PLPPR1: variants seen among roughly 807,000 people sequenced by gnomAD.
PLPPR1 encodes phospholipid phosphatase-related protein type 1.
PLPPR1 carries 10 observed loss-of-function variants against 33.1 expected under a neutral mutation model. The ratio of observed to expected loss-of-function variants is 0.30; its 90% CI spans 0.19 to 0.51. The LOEUF (loss-of-function observed/expected upper bound fraction) is 0.51. Among genes scored for constraint, PLPPR1 ranks in the 20% least tolerant of loss-of-function variants. PLPPR1 has a pLI of 0.97. For missense variants in PLPPR1, 304 were observed against 408.1 expected, an observed-to-expected ratio of 0.74 and a Z score of 2.20; for synonymous variants, 151 against 151.0, an observed-to-expected ratio of 1.00 and a Z score of 0.00.
chr9:101,300,368 A>C (rs1463329945), intron 4 of PLPPR1, among the ~76,000 whole-genome samples: 4 of 152,164 alleles, frequency 2.6e-5, no homozygotes, highest in Non-Finnish European at 5.9e-5. Context: ...TTGCAGAGAC[A>C]GGGTCTCCCT....
chr9:101,107,847 C>A (rs926192609), intron 1 of PLPPR1, among the ~76,000 whole-genome samples: 1 of 150,712 alleles, frequency 6.6e-6, no homozygotes, highest in Non-Finnish European at 1.5e-5. Context: ...GATATAGTCT[C>A]GTGGTGCGCC....
Position 101,159,704 on chromosome 9 carries a change from G to C in PLPPR1, c.-45-25746G>C, listed in dbSNP as rs145304154. On this transcript the variant is annotated intron_variant, in intron 1 of 7. Coordinates refer to ENST00000374874, the MANE Select transcript of PLPPR1 (RefSeq NM_207299.2). ...CAGAACTGGAGTGCAAAAGCACAAA[G>C]ATTCCAGGCATACAAGGATGATAAA... Among the ~76,000 whole-genome samples the C allele has an allele frequency of 2.1e-3, 318 of 152,314 alleles. 1 individual carries two copies. Among genetic ancestry groups the C allele is most frequent in the African/African-American group, 7.4e-3 (306 of 41,580 alleles).
At chr9:101,263,866 A>G in intron 2 of PLPPR1, among the ~76,000 whole-genome samples, 1 of 152,136 alleles carries the variant, frequency 6.6e-6, no homozygotes, top group East Asian at 1.9e-4. Context: ...TGCACAATAT[A>G]ACATTATCAT....
At chr9:101,164,300 C>A (rs1489314149) in intron 1 of PLPPR1, among the ~76,000 whole-genome samples, 1 of 151,834 alleles carries the variant, frequency 6.6e-6, no homozygotes, top group Admixed American at 6.6e-5. Flanking sequence ...GGATCTATTT[C>A]ATAGAGTTGT....
chr9:101,289,573 G>C (rs1828456227), intron 4 of PLPPR1, among the ~76,000 whole-genome samples: 7 of 152,202 alleles, frequency 4.6e-5, no homozygotes, highest in Admixed American at 4.6e-4. Context: ...CTTGAATCCT[G>C]GGGGTGGTTC....
chr9:101,223,199 C>T (rs939420376), intron 2 of PLPPR1, among the ~76,000 whole-genome samples: 2 of 149,060 alleles, frequency 1.3e-5, no homozygotes, highest in Non-Finnish European at 3.0e-5. Flanking sequence ...AGCTGGGCAC[C>T]ATGGGATGAG....
At chr9:101,190,829 A>T (rs1826285077) in intron 2 of PLPPR1, among the ~76,000 whole-genome samples, 1 of 152,188 alleles carries the variant, frequency 6.6e-6, no homozygotes, top group Non-Finnish European at 1.5e-5. Context: ...AAGTTTGTAG[A>T]TTACAAGAGC....
intron 2 of PLPPR1, among the ~76,000 whole-genome samples, chr9:101,227,135 C>A (rs567004829): frequency 2.0e-5 from 3 of 152,272 alleles, no homozygotes; most frequent in Admixed American, 2.0e-4. Flanking sequence ...CAGTATAGAT[C>A]AGCACCTTGA....
chr9:101,201,703 A>G (rs1826496022), intron 2 of PLPPR1, among the ~76,000 whole-genome samples: 2 of 152,230 alleles, frequency 1.3e-5, no homozygotes, highest in South Asian at 2.1e-4. Context: ...AGCAAATATG[A>G]AAAAGCTAGC....
At position 101,235,890 on chromosome 9, in the gene PLPPR1, C is replaced by T. The variant is rs1055494567; in HGVS notation, c.64-33990C>T. Among the ~76,000 whole-genome samples the T allele has an allele frequency of 2.0e-5, 3 of 151,888 alleles. No homozygotes were observed. In the East Asian group the frequency reaches 5.8e-4, roughly 29 times the overall value. ...AAAGCAGCTATGAAGTTATTCCATG[C>T]TTGGCTGGCTTTATAAAAAATAATT... On this transcript the variant is annotated intron_variant, in intron 2 of 7. Coordinates refer to ENST00000374874, the MANE Select transcript of PLPPR1 (RefSeq NM_207299.2).
chr9:101,303,028 C>A (rs530578826), intron 4 of PLPPR1, among the ~76,000 whole-genome samples: 2 of 152,292 alleles, frequency 1.3e-5, no homozygotes, highest in South Asian at 4.1e-4. Context: ...GCTCTGTTGC[C>A]CAGGCTGGAG....
At chr9:101,128,678 C>T (rs1831277116) in intron 1 of PLPPR1, among the ~76,000 whole-genome samples, 1 of 152,142 alleles carries the variant, frequency 6.6e-6, no homozygotes, top group Non-Finnish European at 1.5e-5. Context: ...ATTTCTCTGC[C>T]TAAATCCATG....
At position 101,082,197 on chromosome 9, in the gene PLPPR1, T is replaced by C. The variant is rs1007926137; in HGVS notation, c.-46+53095T>C. 4.6e-5 allele frequency among the ~76,000 whole-genome samples: 7 copies of C among 152,182 alleles called. 1 individual carries two copies. ...ATGTAATCCACCTATTAATACTATA[T>C]CTTCCAATTTCTTGTTGAAAAAGTG... On this transcript the variant is annotated intron_variant, in intron 1 of 7. Coordinates refer to ENST00000374874, the MANE Select transcript of PLPPR1 (RefSeq NM_207299.2).
At chr9:101,030,347 A>C (rs909500091) in intron 1 of PLPPR1, among the ~76,000 whole-genome samples, 1 of 150,782 alleles carries the variant, frequency 6.6e-6, no homozygotes, top group Non-Finnish European at 1.5e-5. Context: ...GGGGACGTAC[A>C]CTACAGCCTT....
chr9:101,304,927 C>T (rs889347663), intron 4 of PLPPR1, among the ~76,000 whole-genome samples: 6 of 152,148 alleles, frequency 3.9e-5, no homozygotes, highest in Non-Finnish European at 4.4e-5. Context: ...ATGCCCATGC[C>T]TGTGCCCCTG....
rs1162739518 is a variant in PLPPR1 at position 101,278,087 on chromosome 9, G to T, written c.253-8017G>T. 2.0e-5 allele frequency among the ~76,000 whole-genome samples: 3 copies of T among 152,300 alleles called. No individual in the cohort carries two copies. In the East Asian group the frequency reaches 5.8e-4, roughly 29 times the overall value. On this transcript the variant is annotated intron_variant, in intron 3 of 7. Coordinates refer to ENST00000374874, the MANE Select transcript of PLPPR1 (RefSeq NM_207299.2). ...AGTACTAGAGCCACAACTAGCATAT[G>T]TATGACCACAAAATATGTATTCTGG... is the stretch of plus-strand genomic sequence containing the variant.
intron 1 of PLPPR1, among the ~76,000 whole-genome samples, chr9:101,110,550 A>G (rs1489770737): frequency 1.3e-5 from 2 of 152,152 alleles, no homozygotes; most frequent in Admixed American, 6.5e-5. Context: ...CTGTCTATCA[A>G]TTGTGGACTG....
chr9:101,044,813 A>G (rs940016416), intron 1 of PLPPR1, among the ~76,000 whole-genome samples: 1 of 152,186 alleles, frequency 6.6e-6, no homozygotes, highest in Non-Finnish European at 1.5e-5. Context: ...GAAGTGTTTT[A>G]TGGTAAACTT....
chr9:101,234,682 T>C (rs1336381015), intron 2 of PLPPR1, among the ~76,000 whole-genome samples: 1 of 151,950 alleles, frequency 6.6e-6, no homozygotes. Flanking sequence ...TATGGCCCCA[T>C]AGGCCAAGGC....
Sources: allele counts gnomAD v4.1 joint callset (sites outside exome capture counted in the v4.1 genomes callset), GRCh38; gene constraint gnomAD v4.1.1; transcripts MANE v1.5; gene names NCBI Gene and HGNC (gene_info 2026-07-23, HGNC 2026-07-21).